The following MBNL2 variants were observed in gnomAD, a reference collection of about 807,000 sequenced individuals.
The protein encoded by MBNL2 is muscleblind-like protein 2.
In MBNL2, 17 loss-of-function variants were observed where a neutral mutation model predicts 41.9. The ratio of observed to expected loss-of-function variants is 0.41; its 90% confidence interval spans 0.28 to 0.61. The LOEUF is 0.61. Ranked by LOEUF, MBNL2 falls within the 20% of genes least tolerant of loss-of-function variation. MBNL2 has a pLI of 0.35. For synonymous variants in MBNL2, 195 were observed against 182.9 expected (o/e 1.07, Z -0.53); for missense variants, 336 against 505.6 (o/e 0.66, Z 3.22).
the MBNL2 span, among the ~76,000 whole-genome samples, chr13:97,206,315 C>T: frequency 2.0e-5 from 3 of 151,846 alleles, no homozygotes; most frequent in Admixed American, 6.6e-5. Flanking sequence ...CTGAGGATGT[C>T]ATACAGTCTA....
chr13:97,388,335 A>ATATATATATATATATATATATATC (rs1566457218), intron 8 of MBNL2, among the ~76,000 whole-genome samples: 3 of 149,650 alleles, frequency 2.0e-5, no homozygotes, highest in African/African-American at 7.4e-5. Context: ...ATATATATAT[A>ATATATATATATATATATATATATC]TCATTGGTAT....
At chr13:97,210,571 A>ATTTTTTTTTTT in the MBNL2 span, among the ~76,000 whole-genome samples, 11 of 65,464 alleles carry the variant, frequency 1.7e-4, 2 homozygotes, top group African/African-American at 7.0e-4. Flanking sequence ...ACAACTGTGA[A>ATTTTTTTTTTT]TTTTTTTTTT....
intron 2 of MBNL2, among the ~76,000 whole-genome samples, chr13:97,298,635 C>G (rs2057310700): frequency 5.3e-5 from 8 of 152,172 alleles, no homozygotes; most frequent in Admixed American, 5.2e-4. Context: ...CAATCATTCT[C>G]TAGTTATCTC....
upstream of MBNL2, among the ~76,000 whole-genome samples, chr13:97,218,420 A>AAAAC (rs1555302227): frequency 1.7e-5 from 2 of 115,072 alleles, no homozygotes; most frequent in Non-Finnish European, 3.5e-5. Context: ...AAAAAAAAAC[A>AAAAC]AAAACAAAAC....
At position 97,308,983 on chromosome 13, in the gene MBNL2, G is replaced by A. The variant is rs140141040; in HGVS notation, c.175-25293G>A. 5.3e-5 allele frequency among the ~76,000 whole-genome samples: 8 copies of A among 152,318 alleles called. No homozygotes were observed. The East Asian group carries it at 1.5e-3, about 29-fold the overall frequency. On this transcript the variant is annotated intron_variant, in intron 2 of 8. Transcript: ENST00000679496. ...TCATGGAGAAAGGGCATCAGAGATG[G>A]GCCTGTGGGGGTGAAGTAAGAGGGC...
chr13:97,163,422 G>C, the MBNL2 span, among the ~76,000 whole-genome samples: 1 of 150,040 alleles, frequency 6.7e-6, no homozygotes, highest in East Asian at 2.0e-4. Flanking sequence ...GTGGAAGCTG[G>C]TCCAGGCACA....
the MBNL2 span, among the ~76,000 whole-genome samples, chr13:97,196,627 T>A: frequency 6.6e-6 from 1 of 152,120 alleles, no homozygotes; most frequent in African/African-American, 2.4e-5. Context: ...CATAGTGGCT[T>A]CTAGAAACGA....
chr13:97,291,917 A>AAAAAAAAT (rs398070410), intron 2 of MBNL2, among the ~76,000 whole-genome samples: 10 of 125,296 alleles, frequency 8.0e-5, no homozygotes, highest in African/African-American at 3.1e-4. Context: ...AAAAAAAAAA[A>AAAAAAAAT]GTGGGCTGGG....
chr13:97,190,258 T>C, the MBNL2 span, among the ~76,000 whole-genome samples: 78 of 152,340 alleles, frequency 5.1e-4, no homozygotes, highest in East Asian at 0.012. Context: ...TGTAAATAAA[T>C]GTTTAAGAAG....
chr13:97,272,109 A>G (rs1173497305), intron 1 of MBNL2, among the ~76,000 whole-genome samples: 4 of 152,056 alleles, frequency 2.6e-5, no homozygotes. Flanking sequence ...CTTTTTAATA[A>G]TCACCATTCT....
chr13:97,280,168 G>A (rs1023868156), intron 2 of MBNL2, among the ~76,000 whole-genome samples: 2 of 152,098 alleles, frequency 1.3e-5, no homozygotes, highest in African/African-American at 4.8e-5. Flanking sequence ...ATGCTTTTAC[G>A]ATCCATGAAA....
the MBNL2 span, among the ~76,000 whole-genome samples, chr13:97,173,873 C>T: frequency 6.6e-6 from 1 of 152,166 alleles, no homozygotes; most frequent in Non-Finnish European, 1.5e-5. Flanking sequence ...CTTTAGGAAT[C>T]TTGCTTAAGT....
chr13:97,187,527 A>G, the MBNL2 span, among the ~76,000 whole-genome samples: 2 of 143,364 alleles, frequency 1.4e-5, no homozygotes, highest in Non-Finnish European at 3.0e-5. Context: ...AGTACTGCCT[A>G]ATGTAATTAG....
At chr13:97,198,713 T>C in the MBNL2 span, among the ~76,000 whole-genome samples, 6 of 152,076 alleles carry the variant, frequency 3.9e-5, no homozygotes, top group Non-Finnish European at 7.4e-5. Context: ...GCCAAAATCC[T>C]TGGAACCATC....
chr13:97,144,299 G>A, the MBNL2 span, among the ~76,000 whole-genome samples: 184 of 152,208 alleles, frequency 1.2e-3, 2 homozygotes, highest in Middle Eastern at 0.02. Flanking sequence ...CTGAGCTAGG[G>A]CCAGATACCC....
intron 2 of MBNL2, among the ~76,000 whole-genome samples, chr13:97,329,237 G>T (rs2060165656): frequency 6.6e-6 from 1 of 152,062 alleles, no homozygotes; most frequent in Non-Finnish European, 1.5e-5. Context: ...ATTATTCTTG[G>T]AAGTAGAAAC....
At chr13:97,190,252 A>T in the MBNL2 span, among the ~76,000 whole-genome samples, 1 of 152,340 alleles carries the variant, frequency 6.6e-6, no homozygotes, top group African/African-American at 2.4e-5. Context: ...GTTCTGTGTA[A>T]ATAAATGTTT....
chr13:97,241,053 C>T (rs770810821), intron 1 of MBNL2, among the ~76,000 whole-genome samples: 17 of 152,300 alleles, frequency 1.1e-4, no homozygotes, highest in Middle Eastern at 3.4e-3. Flanking sequence ...CCCATTATAT[C>T]TGCCGTTCCA....
chr13:97,194,004 C>T, the MBNL2 span, among the ~76,000 whole-genome samples: 1 of 152,180 alleles, frequency 6.6e-6, no homozygotes, highest in Non-Finnish European at 1.5e-5. Flanking sequence ...TTGGAACATC[C>T]TTCCACAACA....
Sources: gnomAD v4.1 joint callset for allele counts (sites outside exome capture counted in the v4.1 genomes callset) on GRCh38, gnomAD v4.1.1 for gene constraint, MANE v1.5 for transcripts, NCBI Gene and HGNC (gene_info 2026-07-23, HGNC 2026-07-21) for gene names.